The following GNG2 variants were observed in gnomAD, a reference collection of about 807,000 sequenced individuals.
The protein encoded by GNG2 is G protein subunit gamma 2, also known as guanine nucleotide-binding protein G(I)/G(S)/G(O) subunit gamma-2.
GNG2 carries 5 observed loss-of-function variants against 5.5 expected under a neutral mutation model. The observed-to-expected ratio is 0.91, with a 90% CI of 0.48 to 1.92. GNG2 has a LOEUF of 1.92. Among genes scored for constraint, GNG2 ranks in the 30% most tolerant of loss-of-function variants. The pLI is 0.01. For synonymous variants in GNG2, 28 were observed against 32.0 expected (o/e 0.88, Z 0.42); for missense variants, 55 against 88.4 (o/e 0.62, Z 1.52).
chr14:51,877,534 C>A (rs1883755278), intron 1 of GNG2, 83 bp from the exon 2 acceptor site: 2 of 440,526 alleles, frequency 4.5e-6, no homozygotes, highest in African/African-American at 2.0e-5. Context: ...TCAGAAACTT[C>A]ATTCATTCTA....
At chr14:51,962,380 A>C (rs1889667068) in intron 3 of GNG2, among the ~76,000 whole-genome samples, 2 of 152,146 alleles carry the variant, frequency 1.3e-5, no homozygotes, top group African/African-American at 4.8e-5. Context: ...TCTGGTATCT[A>C]TCAGTGGCCA....
At chr14:51,896,524 A>T (rs1885202946) in intron 2 of GNG2, among the ~76,000 whole-genome samples, 2 of 152,140 alleles carry the variant, frequency 1.3e-5, no homozygotes, top group African/African-American at 4.8e-5. Context: ...AATAGCCTAA[A>T]TGTTCTTTTT....
chr14:51,827,872 C>G (rs536835007), intron 2 of GNG2: 12 of 621,108 alleles, frequency 1.9e-5, no homozygotes, highest in South Asian at 1.5e-4. Flanking sequence ...TGTTTATTCT[C>G]TGAGGGAATG....
At chr14:51,862,853 A>G (rs1335223959) in intron 1 of GNG2, among the ~76,000 whole-genome samples, 1 of 152,246 alleles carries the variant, frequency 6.6e-6, no homozygotes, top group Non-Finnish European at 1.5e-5. Flanking sequence ...AAAGATGAAT[A>G]TGCTTCTACA....
intron 2 of GNG2, among the ~76,000 whole-genome samples, chr14:51,918,887 C>T (rs370773560): frequency 2.0e-4 from 31 of 152,272 alleles, no homozygotes; most frequent in Admixed American, 1.2e-3. Context: ...TACAGTGGTA[C>T]GATCTCAGCT....
chr14:51,892,080 C>T lies in GNG2; in HGVS notation c.-30+14423C>T, dbSNP rs1322536228. Among the ~76,000 whole-genome samples, 4 of 151,360 alleles carry T rather than the reference C, an allele frequency of 2.6e-5. No individual in the cohort carries two copies. In the East Asian group the frequency reaches 5.8e-4, roughly 22 times the overall value. On this transcript the variant is annotated intron_variant, in intron 2 of 3. Coordinates refer to ENST00000556766, the MANE Select transcript of GNG2 (RefSeq NM_053064.5). The stretch of plus-strand genomic sequence containing the variant: ...CACTTGTCAACAGTTAAGTGTTGGA[C>T]AGAACAGTCATTCAGTTCTCTGAAT...
Position 51,944,320 on chromosome 14 carries a change from G to A in GNG2, c.-29-6330G>A, listed in dbSNP as rs556837931. On this transcript the variant is annotated intron_variant, in intron 2 of 3. Coordinates refer to ENST00000556766, the MANE Select transcript of GNG2 (RefSeq NM_053064.5). Reference sequence around the variant, plus strand: ...GATGTCAGCATGATAAGGTCCTGGTGAGGGTTCTCTTCCTAATTTGGAAAC... The same window carrying A: ...GATGTCAGCATGATAAGGTCCTGGTAAGGGTTCTCTTCCTAATTTGGAAAC... Among the ~76,000 whole-genome samples, 31 of 152,306 alleles carry A rather than the reference G, an allele frequency of 2.0e-4. No individual in the cohort carries two copies. The South Asian group carries it at 2.3e-3, about 11-fold the overall frequency.
At chr14:51,883,256 A>G (rs1002016038) in intron 2 of GNG2, among the ~76,000 whole-genome samples, 6 of 152,188 alleles carry the variant, frequency 3.9e-5, no homozygotes, top group Non-Finnish European at 5.9e-5. Context: ...AGGTTTAGAG[A>G]CAACCATTTT....
At chr14:51,921,756 T>A (rs1887026136) in intron 2 of GNG2, among the ~76,000 whole-genome samples, 1 of 152,206 alleles carries the variant, frequency 6.6e-6, no homozygotes, top group Non-Finnish European at 1.5e-5. Flanking sequence ...CAATGGGTTT[T>A]TGCTCTACTT....
At chr14:51,932,160 T>C (rs1887693534) in intron 2 of GNG2, among the ~76,000 whole-genome samples, 1 of 138,784 alleles carries the variant, frequency 7.2e-6, no homozygotes, top group African/African-American at 2.7e-5. Flanking sequence ...GGCAGGAGAA[T>C]GGCATGAACC....
At chr14:51,962,567 T>C (rs907676983) in intron 3 of GNG2, among the ~76,000 whole-genome samples, 9 of 152,202 alleles carry the variant, frequency 5.9e-5, no homozygotes, top group African/African-American at 2.2e-4. Flanking sequence ...TCCAAATTAA[T>C]TGCCTTTATT....
At chr14:51,871,868 T>C (rs1417753175) in intron 1 of GNG2, among the ~76,000 whole-genome samples, 1 of 152,238 alleles carries the variant, frequency 6.6e-6, no homozygotes, top group Admixed American at 6.5e-5. Context: ...TCCATGTGCT[T>C]AGCCATCAAT....
chr14:51,826,284 T>C (rs978378159), intron 1 of GNG2: 35 of 151,824 alleles, frequency 2.3e-4, no homozygotes, highest in African/African-American at 8.2e-4. Flanking sequence ...AAAATATATA[T>C]TAAATAAATA....
chr14:51,858,679 G>C (rs7148347), upstream of GNG2, among the ~76,000 whole-genome samples: 64,310 of 151,886 alleles, frequency 0.42, 14,324 homozygotes, highest in South Asian at 0.51. Context: ...CTTAGACTTG[G>C]CATCATGCAT....
At chr14:51,926,449 A>G (rs1887326414) in intron 2 of GNG2, among the ~76,000 whole-genome samples, 1 of 152,188 alleles carries the variant, frequency 6.6e-6, no homozygotes, top group Non-Finnish European at 1.5e-5. Context: ...TTTTGGACTA[A>G]TTTTTTTCAG....
In GNG2 at chr14:51,936,169, G is replaced by C. The variant is rs576416178; in HGVS notation, c.-29-14481G>C. On this transcript the variant is annotated intron_variant, in intron 2 of 3. Coordinates refer to ENST00000556766, the MANE Select transcript of GNG2 (RefSeq NM_053064.5). Reference sequence around the variant, plus strand: ...GGAATTTTCTAAACCTGTATCACAAGTGATTAAAGTGTATTAAATCAGTGG... The same window carrying C: ...GGAATTTTCTAAACCTGTATCACAACTGATTAAAGTGTATTAAATCAGTGG... Among the ~76,000 whole-genome samples the C allele has an allele frequency of 5.3e-5, 8 of 152,306 alleles. No homozygotes were observed. The South Asian group carries it at 1.7e-3, about 32-fold the overall frequency.
At chr14:51,922,611 C>A (rs1887082388) in intron 2 of GNG2, among the ~76,000 whole-genome samples, 1 of 152,204 alleles carries the variant, frequency 6.6e-6, no homozygotes, top group Non-Finnish European at 1.5e-5. Flanking sequence ...CATTGCCCCT[C>A]CTTTGTCCCT....
intron 2 of GNG2, among the ~76,000 whole-genome samples, chr14:51,837,397 C>T (rs2748134): frequency 0.32 from 49,135 of 151,656 alleles, 9,264 homozygotes; most frequent in Non-Finnish European, 0.41. Flanking sequence ...GTAATCCCAG[C>T]ACTTTGGGAG....
At chr14:51,900,317 A>G (rs750883974) in intron 2 of GNG2, among the ~76,000 whole-genome samples, 1 of 152,178 alleles carries the variant, frequency 6.6e-6, no homozygotes, top group Non-Finnish European at 1.5e-5. Context: ...AATCTCATAC[A>G]AATATGTAAC....
Sources: gnomAD v4.1 joint callset for allele counts (sites outside exome capture counted in the v4.1 genomes callset) on GRCh38, gnomAD v4.1.1 for gene constraint, MANE v1.5 for transcripts, NCBI Gene and HGNC (gene_info 2026-07-23, HGNC 2026-07-21) for gene names.